The following CSMD2 variants were observed in gnomAD, a reference collection of about 807,000 sequenced individuals.
CSMD2 encodes the protein CUB and Sushi multiple domains 2, also known as CUB and sushi domain-containing protein 2.
A neutral mutation model predicts 398.5 loss-of-function variants in CSMD2; 130 were observed. That is an observed-to-expected ratio of 0.33 (90% CI 0.28 to 0.38). The LOEUF (loss-of-function observed/expected upper bound fraction) is 0.38, where lower values mean the gene tolerates loss of function less well. Ranked by LOEUF, CSMD2 falls within the 10% of genes least tolerant of loss-of-function variation. The pLI, the probability that CSMD2 is intolerant of heterozygous loss-of-function variation, is 1.00. For synonymous variants in CSMD2, 1,828 were observed against 1,908.5 expected (o/e 0.96, Z 1.10); for missense variants, 3,829 against 4,764.9 (o/e 0.80, Z 5.78).
chr1:33,968,983 T>C (rs542474629), intron 3 of CSMD2, among the ~76,000 whole-genome samples: 2 of 152,338 alleles, frequency 1.3e-5, no homozygotes, highest in Non-Finnish European at 2.9e-5. Flanking sequence ...CATGTCCCCC[T>C]TGGCATGTTC....
At chr1:33,660,199 C>A (rs1644087077) in intron 26 of CSMD2, among the ~76,000 whole-genome samples, 2 of 152,216 alleles carry the variant, frequency 1.3e-5, no homozygotes, top group African/African-American at 4.8e-5. Context: ...GAGCCCACAT[C>A]TGCAACATGG....
intron 5 of CSMD2, among the ~76,000 whole-genome samples, chr1:33,913,768 CCTATATT>C (rs1260945547): frequency 6.6e-6 from 1 of 152,076 alleles, no homozygotes; most frequent in East Asian, 1.9e-4. Context: ...AACTTCCTCT[CCTATATT>C]CTAGGAGAGG....
chr1:33,557,258 C>T (rs1658084811), intron 55 of CSMD2, among the ~76,000 whole-genome samples: 2 of 152,060 alleles, frequency 1.3e-5, no homozygotes, highest in Non-Finnish European at 1.5e-5. Flanking sequence ...TTTTCCCAAA[C>T]CACACTACTT....
At chr1:33,581,585 T>C (rs1638729296) in intron 47 of CSMD2, among the ~76,000 whole-genome samples, 1 of 99,130 alleles carries the variant, frequency 1.0e-5, no homozygotes, top group East Asian at 2.8e-4. Flanking sequence ...GCCTGCCATA[T>C]AGAAAAAAAT....
chr1:34,087,483 C>T (rs1044684473), intron 2 of CSMD2, among the ~76,000 whole-genome samples: 2 of 150,282 alleles, frequency 1.3e-5, no homozygotes, highest in Admixed American at 1.3e-4. Context: ...GGGTTGGGGG[C>T]TAGGGGAGGG....
chr1:33,579,832 C>T (rs12406018), intron 48 of CSMD2, among the ~76,000 whole-genome samples: 22,992 of 151,960 alleles, frequency 0.15, 2,034 homozygotes, highest in Middle Eastern at 0.31. Flanking sequence ...GTGCATGCCA[C>T]CATGCCTGGC....
intron 12 of CSMD2, among the ~76,000 whole-genome samples, chr1:33,788,220 T>A (rs2124843734): frequency 6.6e-6 from 1 of 152,038 alleles, no homozygotes; most frequent in Non-Finnish European, 1.5e-5. Flanking sequence ...AGAACCAGGA[T>A]CCCGTGGCCG....
intron 5 of CSMD2, among the ~76,000 whole-genome samples, chr1:33,885,977 A>C (rs899262516): frequency 6.6e-6 from 1 of 152,130 alleles, no homozygotes; most frequent in African/African-American, 2.4e-5. Flanking sequence ...AGGGTTATTA[A>C]AAGGGTTAAG....
intron 2 of CSMD2, among the ~76,000 whole-genome samples, chr1:34,073,753 CT>C (rs1177481417): frequency 6.6e-6 from 1 of 152,228 alleles, no homozygotes; most frequent in Non-Finnish European, 1.5e-5. Context: ...TAGGAGACCC[CT>C]GGCCCACCCC....
intron 2 of CSMD2, among the ~76,000 whole-genome samples, chr1:34,066,387 G>C (rs1021901886): frequency 6.6e-6 from 1 of 151,988 alleles, no homozygotes; most frequent in Non-Finnish European, 1.5e-5. Context: ...CCTTTCCCTC[G>C]GAATTTCCTC....
intron 27 of CSMD2, among the ~76,000 whole-genome samples, chr1:33,652,998 C>A (rs1397427075): frequency 1.3e-5 from 2 of 152,114 alleles, no homozygotes; most frequent in African/African-American, 4.8e-5. Flanking sequence ...ACCTTGTGAT[C>A]CACCCATCTC....
chr1:33,524,068 C>T (rs566241520), intron 66 of CSMD2, among the ~76,000 whole-genome samples: 4 of 152,294 alleles, frequency 2.6e-5, no homozygotes, highest in African/African-American at 7.2e-5. Flanking sequence ...GAAATAACCA[C>T]GTTACTGTAA....
In CSMD2 at chr1:34,018,378, T is replaced by C. The variant is rs948652610; in HGVS notation, c.517+14216A>G. On this transcript the variant is annotated intron_variant, in intron 3 of 70. Coordinates refer to ENST00000373381, the MANE Select transcript of CSMD2 (RefSeq NM_001281956.2). Reference sequence around the variant, plus strand: ...ACTTTCATGCATATAACTTTCTTCTTCTGTTGAATTATTTCCTTAGGATAT... The same window carrying C: ...ACTTTCATGCATATAACTTTCTTCTCCTGTTGAATTATTTCCTTAGGATAT... Among the ~76,000 whole-genome samples the C allele has an allele frequency of 2.6e-5, 4 of 152,364 alleles. No individual in the cohort carries two copies. The East Asian group carries it at 7.7e-4, about 29-fold the overall frequency.
intron 12 of CSMD2, among the ~76,000 whole-genome samples, chr1:33,782,535 C>T (rs1652915617): frequency 6.6e-6 from 1 of 152,146 alleles, no homozygotes; most frequent in South Asian, 2.1e-4. Flanking sequence ...TGATTATAAG[C>T]TGGGTTTGCC....
intron 3 of CSMD2, among the ~76,000 whole-genome samples, chr1:33,959,022 C>T (rs1399076968): frequency 6.6e-6 from 1 of 152,180 alleles, no homozygotes; most frequent in Non-Finnish European, 1.5e-5. Context: ...TGTGACCTTC[C>T]CACACAGGTG....
At chr1:33,990,940 C>T (rs797467) in intron 3 of CSMD2, among the ~76,000 whole-genome samples, 17,526 of 151,374 alleles carry the variant, frequency 0.12, 1,714 homozygotes, top group East Asian at 0.42. Context: ...AATAGAATAT[C>T]GTATGGGACA....
chr1:33,831,945 T>G (rs1168194611), intron 6 of CSMD2, among the ~76,000 whole-genome samples: 1 of 151,748 alleles, frequency 6.6e-6, no homozygotes, highest in Non-Finnish European at 1.5e-5. Flanking sequence ...AGGGATCAAT[T>G]CAACAAGAAG....
Position 33,523,765 on chromosome 1 carries a change from G to A in CSMD2, c.10397-346C>T, listed in dbSNP as rs148288640. Among the ~76,000 whole-genome samples the A allele has an allele frequency of 5.6e-4, 85 of 152,300 alleles. No individual in the cohort carries two copies. In the East Asian group the frequency reaches 0.013, roughly 23 times the overall value. On this transcript the variant is annotated intron_variant, in intron 66 of 70. Coordinates refer to ENST00000373381, the MANE Select transcript of CSMD2 (RefSeq NM_001281956.2). ...GTTCAATGGGTGCAATAGTTCATGA[G>A]GTCCTGGGCATGGGAGCATGTGAAC...
chr1:33,729,935 C>A (rs1224120402), intron 15 of CSMD2, among the ~76,000 whole-genome samples: 1 of 152,102 alleles, frequency 6.6e-6, no homozygotes, highest in Non-Finnish European at 1.5e-5. Flanking sequence ...CTCTCTGACC[C>A]AGCAATTCTA....
Sources: gnomAD v4.1 joint callset for allele counts (sites outside exome capture counted in the v4.1 genomes callset) on GRCh38, gnomAD v4.1.1 for gene constraint, MANE v1.5 for transcripts, NCBI Gene and HGNC (gene_info 2026-07-23, HGNC 2026-07-21) for gene names.